The following ACSL5 variants were observed in gnomAD, a reference collection of about 807,000 sequenced individuals.
ACSL5 encodes long-chain-fatty-acid--CoA ligase 5.
ACSL5 carries 50 observed loss-of-function variants against 84.9 expected under a neutral mutation model. The ratio of observed to expected loss-of-function variants is 0.59; its 90% CI spans 0.47 to 0.75. ACSL5 has a LOEUF of 0.75. ACSL5 is among the 30% of genes least tolerant of loss of function. The pLI is 0.00. For missense variants in ACSL5, 775 were observed against 830.4 expected (o/e 0.93, Z 0.82); for synonymous variants, 280 against 300.7 (o/e 0.93, Z 0.71).
chr10:112,402,523 GC>G, intron 3 of ACSL5, among the ~76,000 whole-genome samples: 1 of 152,168 alleles, frequency 6.6e-6, no homozygotes, highest in Non-Finnish European at 1.5e-5. Flanking sequence ...CTCTGACAAA[GC>G]CATGCTTCAG....
intron 1 of ACSL5, among the ~76,000 whole-genome samples, chr10:112,382,475 A>G (rs954386365): frequency 1.5e-4 from 23 of 152,180 alleles, no homozygotes; most frequent in African/African-American, 5.5e-4. Flanking sequence ...CACTATGTGC[A>G]TGAGTGCTCA....
At chr10:112,389,442 G>T (rs1475597091) in intron 1 of ACSL5, among the ~76,000 whole-genome samples, 1 of 152,168 alleles carries the variant, frequency 6.6e-6, no homozygotes, top group Non-Finnish European at 1.5e-5. Flanking sequence ...TAAGCCTTTT[G>T]ACATGGGACA....
intron 5 of ACSL5, among the ~76,000 whole-genome samples, chr10:112,407,997 G>A (rs1009033625): frequency 6.6e-6 from 1 of 151,770 alleles, no homozygotes; most frequent in Non-Finnish European, 1.5e-5. Context: ...CTGTCCCTAT[G>A]GCCCCACAGT....
chr10:112,391,217 TA>T (rs764586168), intron 1 of ACSL5, among the ~76,000 whole-genome samples: 2 of 152,178 alleles, frequency 1.3e-5, no homozygotes, highest in East Asian at 3.9e-4. Flanking sequence ...TCGTCTCTAC[TA>T]AAAATGCAAA....
In ACSL5 at chr10:112,395,114, G is replaced by A; in HGVS notation, c.156+12G>A. 6.2e-7 allele frequency: 1 copy of A among 1,608,848 alleles called. No homozygotes were observed. The highest frequency in any genetic ancestry group is 1.7e-4 in the Middle Eastern group (1 of 6,048). ...CTGTGGGAATTGAGGTAATTTACCA[G>A]TCATCCTTTTAGTTTGTCAACCTTC... is the stretch of plus-strand genomic sequence containing the variant. On this transcript the variant is annotated intron_variant, in intron 2 of 20. Coordinates refer to ENST00000354655, the MANE Select transcript of ACSL5 (RefSeq NM_203379.2).
At chr10:112,383,073 A>T (rs1849382217) in intron 1 of ACSL5, among the ~76,000 whole-genome samples, 1 of 152,216 alleles carries the variant, frequency 6.6e-6, no homozygotes, top group Non-Finnish European at 1.5e-5. Context: ...GTTCAAGCCC[A>T]GGCTGGGCAA....
At chr10:112,377,797 G>A (rs1256058932) in intron 1 of ACSL5, among the ~76,000 whole-genome samples, 2 of 152,132 alleles carry the variant, frequency 1.3e-5, no homozygotes, top group African/African-American at 4.8e-5. Context: ...AGAAGTGTAA[G>A]TGCAAATGCT....
In ACSL5 at chr10:112,404,687, C is replaced by T; in HGVS notation, c.331-18C>T. ...GACCTCTTCTCTCTCTCTCTCACCCCATCTCTCTTTTTTGTAGGTGTCTGA... is the reference window on the plus strand; with the variant it reads ...GACCTCTTCTCTCTCTCTCTCACCCTATCTCTCTTTTTTGTAGGTGTCTGA... On this transcript the variant is annotated intron_variant, in intron 4 of 20. Transcript: ENST00000354655. 1 of 1,609,996 alleles carries T rather than the reference C, an allele frequency of 6.2e-7. No individual in the cohort carries two copies. The highest frequency in any genetic ancestry group is 2.2e-5 in the East Asian group (1 of 44,854).
At position 112,394,950 on chromosome 10, in the gene ACSL5, CT is replaced by C; in HGVS notation, c.9del (p.Phe3LeufsTer15). On this transcript the variant is annotated frameshift_variant, in exon 2 of 21. Transcript: ENST00000354655. LOFTEE classifies it high-confidence loss of function. ...TTTCCTGCTGCTGTTCACAAAGATG[CT>C]TTTTATCTTTAACTTTTTGTTTTCC... MLFIFNFLFSPL... is the reference protein window; with the variant it reads MXFIFNFLFSPL... 1 of 1,613,314 alleles carries C rather than the reference CT, an allele frequency of 6.2e-7. No homozygotes were observed. The highest frequency in any genetic ancestry group is 2.2e-5 in the East Asian group (1 of 44,848).
chr10:112,400,908 T>C (rs1843870316), intron 3 of ACSL5, among the ~76,000 whole-genome samples: 1 of 152,206 alleles, frequency 6.6e-6, no homozygotes, highest in Non-Finnish European at 1.5e-5. Flanking sequence ...TGTGTTGTTA[T>C]TGTGACTAAA....
intron 10 of ACSL5, 87 bp downstream of exon 10, chr10:112,411,616 A>C (rs1354904914): frequency 8.5e-7 from 1 of 1,175,058 alleles, no homozygotes; most frequent in Non-Finnish European, 1.2e-6. Context: ...AGGCAGACAC[A>C]CACACACACA....
intron 19 of ACSL5, 46 bp from the exon 20 acceptor site, chr10:112,426,742 G>A: frequency 6.4e-7 from 1 of 1,569,036 alleles, no homozygotes; most frequent in Non-Finnish European, 8.8e-7. Context: ...TAGCCCTTCA[G>A]GCTTTTTGAA....
At chr10:112,416,470 C>CAAAA (rs35770074) in intron 12 of ACSL5, among the ~76,000 whole-genome samples, 2 of 58,378 alleles carry the variant, frequency 3.4e-5, no homozygotes, top group Admixed American at 2.0e-4. Context: ...GACTCTGTCT[C>CAAAA]AAAAAAAAAA....
intron 15 of ACSL5, 34 bp downstream of exon 15, chr10:112,421,699 TG>T (rs1167837646): frequency 6.3e-7 from 1 of 1,584,662 alleles, no homozygotes; most frequent in Non-Finnish European, 8.7e-7. Context: ...GGAGGTGCCA[TG>T]GTTGGGAGAA....
chr10:112,401,832 C>CTT lies in ACSL5; in HGVS notation c.266-2677_266-2676dup, dbSNP rs1554862722. Among the ~76,000 whole-genome samples the CTT allele has an allele frequency of 9.4e-5, 9 of 95,736 alleles. 1 individual carries two copies. The highest frequency in any genetic ancestry group is 7.5e-4 in the South Asian group (2 of 2,656). 62.8% of individuals were successfully genotyped at this position (95,736 alleles called of 152,430 possible). The stretch of plus-strand genomic sequence containing the variant: ...TCTTTCTTTCTTTCTTTCTTTCTTT[C>CTT]TTTCTTTCTTCCTTCCTTCCTTCCT... On this transcript the variant is annotated intron_variant, in intron 3 of 20. Coordinates refer to ENST00000354655, the MANE Select transcript of ACSL5 (RefSeq NM_203379.2).
intron 2 of ACSL5, 82 bp downstream of exon 2, chr10:112,395,184 G>A: frequency 7.2e-7 from 1 of 1,384,904 alleles, no homozygotes; most frequent in South Asian, 1.2e-5. Flanking sequence ...AGCTCATGAA[G>A]GGGATTGGGT....
intron 18 of ACSL5, among the ~76,000 whole-genome samples, chr10:112,425,878 G>A (rs1266048858): frequency 1.3e-5 from 2 of 152,102 alleles, no homozygotes; most frequent in Non-Finnish European, 2.9e-5. Flanking sequence ...ACAAACTGTT[G>A]TTTTATACAT....
rs200105719 is a variant in ACSL5 at position 112,408,436 on chromosome 10, A to G, written c.447A>G (p.Glu149=). ...TCTCTGTACAGTGGATCATCTCCGA[A>G]TTGGCTTGTTACACGTACTCTATGG... ...AQNRPEWIIS[E]LACYTYSMVA... Residue 149 remains glutamate (E), a synonymous_variant, in exon 6 of 21, where the codon GAA becomes GAG. Transcript: ENST00000354655. 10 of 1,611,868 alleles carry G rather than the reference A, an allele frequency of 6.2e-6. No homozygotes were observed. Among genetic ancestry groups the G allele is most frequent in the Non-Finnish European group, 7.6e-6 (9 of 1,178,048 alleles).
intron 1 of ACSL5, among the ~76,000 whole-genome samples, chr10:112,386,181 C>CTTTTTTTTTT (rs11286757): frequency 1.1e-4 from 8 of 71,832 alleles, no homozygotes; most frequent in African/African-American, 3.9e-4. Flanking sequence ...TCCTATAGCT[C>CTTTTTTTTTT]TTTTTTTTTT....
Sources: gnomAD v4.1 joint callset for allele counts (sites outside exome capture counted in the v4.1 genomes callset) on GRCh38, gnomAD v4.1.1 for gene constraint, MANE v1.5 for transcripts, NCBI Gene and HGNC (gene_info 2026-07-23, HGNC 2026-07-21) for gene names.